Variants in TENM3 observed in about 807,000 individuals in gnomAD.
TENM3 encodes the protein teneurin transmembrane protein 3.
A neutral mutation model predicts 255.1 loss-of-function variants in TENM3; 63 were observed. That is an observed-to-expected ratio of 0.25 (90% CI 0.20 to 0.30). The LOEUF (loss-of-function observed/expected upper bound fraction) is 0.30, where lower values mean the gene tolerates loss of function less well. Ranked by LOEUF, TENM3 falls within the 10% of genes least tolerant of loss-of-function variation. The pLI, the probability that TENM3 is intolerant of heterozygous loss-of-function variation, is 1.00. For missense variants in TENM3, 2,929 were observed against 3,461.1 expected (o/e 0.85, Z 3.86); for synonymous variants, 1,306 against 1,322.3 (o/e 0.99, Z 0.27).
the TENM3 span, among the ~76,000 whole-genome samples, chr4:181,967,391 G>A: frequency 6.6e-6 from 1 of 152,202 alleles, no homozygotes; most frequent in Non-Finnish European, 1.5e-5. Flanking sequence ...GTGTAAAAGA[G>A]CACGTAGCAA....
At chr4:182,544,683 TCTC>T (rs1741253927) in intron 3 of TENM3, among the ~76,000 whole-genome samples, 1 of 152,116 alleles carries the variant, frequency 6.6e-6, no homozygotes, top group Non-Finnish European at 1.5e-5. Flanking sequence ...TTGCTCATCT[TCTC>T]CTTACCTCCT....
At chr4:182,015,104 C>T in the TENM3 span, among the ~76,000 whole-genome samples, 1 of 152,104 alleles carries the variant, frequency 6.6e-6, no homozygotes, top group African/African-American at 2.4e-5. Flanking sequence ...GAAGAATTCC[C>T]CTGCTCTACT....
the TENM3 span, among the ~76,000 whole-genome samples, chr4:181,533,830 T>C: frequency 6.6e-6 from 1 of 152,218 alleles, no homozygotes; most frequent in Non-Finnish European, 1.5e-5. Context: ...CTCTGTCTTA[T>C]TGGATCCATT....
the TENM3 span, among the ~76,000 whole-genome samples, chr4:182,135,154 C>G: frequency 7.3e-6 from 1 of 137,630 alleles, no homozygotes; most frequent in African/African-American, 2.8e-5. Context: ...TGCAGTGAGC[C>G]GAGATCACAC....
the TENM3 span, among the ~76,000 whole-genome samples, chr4:181,571,538 A>G: frequency 6.6e-6 from 1 of 152,056 alleles, no homozygotes; most frequent in Non-Finnish European, 1.5e-5. Flanking sequence ...AGGTCTCTCC[A>G]TATTGCCCAG....
At chr4:181,609,220 T>G in the TENM3 span, among the ~76,000 whole-genome samples, 692 of 152,270 alleles carry the variant, frequency 4.5e-3, 13 homozygotes, top group African/African-American at 0.016. Flanking sequence ...TTCTCCTAAA[T>G]TTACACTGTC....
chr4:182,140,110 C>T (rs1371289025), upstream of TENM3, among the ~76,000 whole-genome samples: 1 of 152,156 alleles, frequency 6.6e-6, no homozygotes, highest in East Asian at 1.9e-4. Context: ...GGGGGGAAAA[C>T]CCCACCCAAT....
intron 6 of TENM3, among the ~76,000 whole-genome samples, chr4:182,669,737 T>G (rs561656564): frequency 3.4e-4 from 52 of 152,364 alleles, no homozygotes; most frequent in African/African-American, 1.3e-3. Flanking sequence ...AATAATATTT[T>G]TGTTTTAATA....
At chr4:182,567,364 C>T (rs1000683347) in intron 3 of TENM3, among the ~76,000 whole-genome samples, 1 of 152,132 alleles carries the variant, frequency 6.6e-6, no homozygotes, top group Admixed American at 6.6e-5. Flanking sequence ...CCCTCCCGTC[C>T]CATGCCCACC....
intron 23 of TENM3, 25 bp from the exon 24 acceptor site, chr4:182,774,893 A>G: frequency 6.5e-7 from 1 of 1,528,426 alleles, no homozygotes; most frequent in East Asian, 2.3e-5. Flanking sequence ...CTAATAGTTC[A>G]TGTTTTGTGC....
At chr4:182,057,954 A>T in the TENM3 span, among the ~76,000 whole-genome samples, 1 of 152,188 alleles carries the variant, frequency 6.6e-6, no homozygotes, top group Admixed American at 6.5e-5. Flanking sequence ...TTTAAAAATC[A>T]GTTTTTAAAA....
the TENM3 span, among the ~76,000 whole-genome samples, chr4:181,858,951 G>A: frequency 6.6e-6 from 1 of 152,082 alleles, no homozygotes; most frequent in African/African-American, 2.4e-5. Flanking sequence ...AGGTATTTGG[G>A]AAGATTAATC....
At chr4:181,584,721 T>C in the TENM3 span, among the ~76,000 whole-genome samples, 4 of 152,288 alleles carry the variant, frequency 2.6e-5, no homozygotes, top group South Asian at 2.1e-4. Context: ...CTATAGGTTT[T>C]GAAATAAAAG....
intron 1 of TENM3, among the ~76,000 whole-genome samples, chr4:182,306,191 T>C (rs775662307): frequency 6.6e-6 from 1 of 152,008 alleles, no homozygotes; most frequent in Non-Finnish European, 1.5e-5. Flanking sequence ...AGTTTCTTTC[T>C]TTCTTTTTTT....
chr4:182,101,136 AAGGAAAGAAGGGAGGG>A, the TENM3 span, among the ~76,000 whole-genome samples: 57 of 105,660 alleles, frequency 5.4e-4, 1 homozygote, highest in African/African-American at 2.3e-3. Context: ...AGAAGGAAGG[AAGGAAAGAAGGGAGGG>A]AGGAAGGAAA....
At chr4:181,898,860 A>G in the TENM3 span, among the ~76,000 whole-genome samples, 1 of 152,296 alleles carries the variant, frequency 6.6e-6, no homozygotes, top group African/African-American at 2.4e-5. Context: ...TGTTTTGAAG[A>G]TATTGCAATT....
the TENM3 span, among the ~76,000 whole-genome samples, chr4:181,945,112 T>A: frequency 9.5e-6 from 1 of 105,000 alleles, no homozygotes; most frequent in Non-Finnish European, 2.1e-5. Flanking sequence ...GGGAGGGAAG[T>A]AATTTTGAGA....
At chr4:181,650,605 G>C in the TENM3 span, among the ~76,000 whole-genome samples, 1 of 152,128 alleles carries the variant, frequency 6.6e-6, no homozygotes, top group Non-Finnish European at 1.5e-5. Flanking sequence ...GGAGTACTTA[G>C]ATAATTCTGG....
chr4:182,506,734 T>C (rs772681674), intron 3 of TENM3, among the ~76,000 whole-genome samples: 1 of 152,190 alleles, frequency 6.6e-6, no homozygotes, highest in Non-Finnish European at 1.5e-5. Context: ...AGTGAAAGAA[T>C]GATCAGGTTG....
Sources: gnomAD v4.1 joint callset for allele counts (sites outside exome capture counted in the v4.1 genomes callset) on GRCh38, gnomAD v4.1.1 for gene constraint, MANE v1.5 for transcripts, NCBI Gene and HGNC (gene_info 2026-07-23, HGNC 2026-07-21) for gene names.